CASQ2: variants seen among roughly 807,000 people sequenced by gnomAD.
CASQ2 encodes the protein calsequestrin-2.
Under a neutral mutation model 46.5 loss-of-function variants are expected in CASQ2, and 49 were observed. The observed-to-expected ratio is 1.05, with a 90% CI of 0.84 to 1.34. The LOEUF (loss-of-function observed/expected upper bound fraction) is 1.34. Among genes scored for constraint, CASQ2 ranks in the 40% most tolerant of loss-of-function variants. The pLI, the probability that CASQ2 is intolerant of heterozygous loss-of-function variation, is 0.00. For synonymous variants in CASQ2, 174 were observed against 168.5 expected (o/e 1.03, Z -0.25); for missense variants, 486 against 481.3 (o/e 1.01, Z -0.09).
chr1:115,724,138 A>G (rs12746772), intron 7 of CASQ2, among the ~76,000 whole-genome samples: 9,239 of 152,290 alleles, frequency 0.061, 354 homozygotes, highest in Non-Finnish European at 0.092. Context: ...GTGGGGACAT[A>G]GTCACTCTGG....
chr1:115,712,509 G>A (rs534932860), intron 8 of CASQ2, among the ~76,000 whole-genome samples: 2 of 152,176 alleles, frequency 1.3e-5, no homozygotes, highest in South Asian at 2.1e-4. Context: ...TAACTTCTTC[G>A]TCCCTGTACT....
intron 1 of CASQ2, among the ~76,000 whole-genome samples, chr1:115,749,532 T>C (rs754635204): frequency 1.3e-5 from 2 of 152,178 alleles, no homozygotes; most frequent in Admixed American, 6.5e-5. Flanking sequence ...TCCCACCTCC[T>C]CTTTGGCACC....
intron 5 of CASQ2, 116 bp downstream of exon 5, chr1:115,732,785 A>G: frequency 1.3e-6 from 1 of 769,612 alleles, no homozygotes; most frequent in East Asian, 2.5e-5. Flanking sequence ...CTTCTAGAGA[A>G]AGAGGCAAGG....
intron 1 of CASQ2, among the ~76,000 whole-genome samples, chr1:115,750,697 AG>A (rs561326479): frequency 6.6e-6 from 1 of 152,128 alleles, no homozygotes; most frequent in Non-Finnish European, 1.5e-5. Flanking sequence ...TTGTCGAGAT[AG>A]GGTCTTGCTT....
At chr1:115,751,238 A>C (rs1243548870) in intron 1 of CASQ2, among the ~76,000 whole-genome samples, 1 of 152,368 alleles carries the variant, frequency 6.6e-6, no homozygotes, top group East Asian at 1.9e-4. Flanking sequence ...GCCAATTCAA[A>C]AATGCCATAG....
At chr1:115,712,000 T>G (rs557373695) in intron 8 of CASQ2, among the ~76,000 whole-genome samples, 2 of 152,300 alleles carry the variant, frequency 1.3e-5, no homozygotes, top group African/African-American at 2.4e-5. Context: ...CACAACATCT[T>G]AAGCCCAGAG....
At chr1:115,727,168 A>C (rs747219531) in intron 5 of CASQ2, 46 bp from the exon 6 acceptor site, 2 of 1,395,152 alleles carry the variant, frequency 1.4e-6, no homozygotes, top group Non-Finnish European at 2.0e-6. Flanking sequence ...ATACTAGTCT[A>C]GAATAGCAGT....
At chr1:115,756,549 A>T (rs1648767421) in intron 1 of CASQ2, among the ~76,000 whole-genome samples, 1 of 152,200 alleles carries the variant, frequency 6.6e-6, no homozygotes, top group Non-Finnish European at 1.5e-5. Context: ...TTGGAATCAG[A>T]TTTTATTTCT....
chr1:115,740,605 A>T, intron 3 of CASQ2, 123 bp downstream of exon 3: 1 of 702,182 alleles, frequency 1.4e-6, no homozygotes, highest in African/African-American at 1.8e-5. Flanking sequence ...TTTTTTGTGA[A>T]TCCTGAAAAA....
chr1:115,725,926 G>T (rs1647568587), intron 6 of CASQ2, among the ~76,000 whole-genome samples: 2 of 152,176 alleles, frequency 1.3e-5, no homozygotes, highest in African/African-American at 4.8e-5. Flanking sequence ...GAAACCTGAG[G>T]GGGAAAACAG....
At chr1:115,740,626 A>G in intron 3 of CASQ2, 102 bp downstream of exon 3, 1 of 774,896 alleles carries the variant, frequency 1.3e-6, no homozygotes, top group South Asian at 1.4e-5. Context: ...CCTGTCACAG[A>G]TGAGGCCAGG....
chr1:115,721,613 CCA>C (rs1647377878), intron 7 of CASQ2, among the ~76,000 whole-genome samples: 1 of 151,984 alleles, frequency 6.6e-6, no homozygotes, highest in East Asian at 1.9e-4. Flanking sequence ...ACTCTGTTGC[CCA>C]GGTTGGAGTG....
chr1:115,737,231 A>G (rs1647993816), intron 4 of CASQ2, among the ~76,000 whole-genome samples: 1 of 152,220 alleles, frequency 6.6e-6, no homozygotes, highest in Admixed American at 6.5e-5. Flanking sequence ...CATTCATTTT[A>G]AGCACTGTAA....
intron 4 of CASQ2, among the ~76,000 whole-genome samples, chr1:115,736,489 T>C (rs943085385): frequency 1.3e-5 from 2 of 151,630 alleles, no homozygotes. Flanking sequence ...ACACTAAAAT[T>C]AGCCAGGCGT....
chr1:115,705,262 TG>T lies in CASQ2; in HGVS notation c.868del (p.Gln290ArgfsTer12). 1.2e-6 allele frequency: 2 copies of T among 1,613,862 alleles called. No individual in the cohort carries two copies. Among genetic ancestry groups the T allele is most frequent in the Non-Finnish European group, 1.7e-6 (2 of 1,179,708 alleles). On this transcript the variant is annotated frameshift_variant, in exon 9 of 11. Coordinates refer to ENST00000261448, the MANE Select transcript of CASQ2 (RefSeq NM_001232.4). LOFTEE classifies it high-confidence loss of function. ...GTTGTCAGTATTGTCCCGGGCAACCTGTTTCAGGATCTCCAGGAATTCGTAG... is the reference window on the plus strand; with the variant it reads ...GTTGTCAGTATTGTCCCGGGCAACCTTTTCAGGATCTCCAGGAATTCGTAG... ...DGYEFLEILK[Q>X]VARDNTDNPD...
intron 6 of CASQ2, among the ~76,000 whole-genome samples, chr1:115,726,552 T>G (rs1029870894): frequency 6.6e-6 from 1 of 152,232 alleles, no homozygotes; most frequent in African/African-American, 2.4e-5. Context: ...GCATAGAGTG[T>G]TCATCCTTGG....
At chr1:115,726,883 G>A (rs1345590933) in intron 6 of CASQ2, 109 bp downstream of exon 6, 2 of 806,018 alleles carry the variant, frequency 2.5e-6, no homozygotes, top group South Asian at 2.9e-5. Context: ...GTACTGCTGG[G>A]GTACTAACTA....
chr1:115,734,757 CT>C (rs1225145131), intron 4 of CASQ2, among the ~76,000 whole-genome samples: 1 of 152,196 alleles, frequency 6.6e-6, no homozygotes, highest in African/African-American at 2.4e-5. Context: ...TTTCTTCCCC[CT>C]CTCTCAGGGT....
chr1:115,762,534 T>C (rs1648998485), intron 1 of CASQ2, among the ~76,000 whole-genome samples: 1 of 152,144 alleles, frequency 6.6e-6, no homozygotes, highest in Non-Finnish European at 1.5e-5. Flanking sequence ...CCAAAACACA[T>C]ATACATGGCT....
Sources: gnomAD v4.1 joint callset for allele counts (sites outside exome capture counted in the v4.1 genomes callset) on GRCh38, gnomAD v4.1.1 for gene constraint, MANE v1.5 for transcripts, NCBI Gene and HGNC (gene_info 2026-07-23, HGNC 2026-07-21) for gene names.